Variants in RSF1 observed in about 807,000 individuals in gnomAD.
RSF1 encodes remodeling and spacing factor 1, also known as HBV pX-associated protein 8.
Under a neutral mutation model 145.2 loss-of-function variants are expected in RSF1, and 13 were observed. The ratio of observed to expected loss-of-function variants is 0.09; its 90% CI spans 0.06 to 0.14. The LOEUF (loss-of-function observed/expected upper bound fraction) is 0.14, where lower values mean the gene tolerates loss of function less well. Ranked by LOEUF, RSF1 falls within the 10% of genes least tolerant of loss-of-function variation. RSF1 has a pLI of 1.00. For missense variants in RSF1, 1,517 were observed against 1,718.2 expected (o/e 0.88, Z 2.07); for synonymous variants, 577 against 592.6 (o/e 0.97, Z 0.38).
At chr11:77,870,922 T>C in the RSF1 span, among the ~76,000 whole-genome samples, 11 of 152,338 alleles carry the variant, frequency 7.2e-5, no homozygotes, top group Non-Finnish European at 1.3e-4. Context: ...GTCATCCATA[T>C]AGAGGCCTAC....
chr11:77,801,284 CG>C (rs1451221766), intron 1 of RSF1, among the ~76,000 whole-genome samples: 1 of 151,980 alleles, frequency 6.6e-6, no homozygotes, highest in African/African-American at 2.4e-5. Flanking sequence ...CAAAAGTAGC[CG>C]GGTGTGGTGG....
the RSF1 span, among the ~76,000 whole-genome samples, chr11:77,857,357 A>C: frequency 6.6e-6 from 1 of 152,172 alleles, no homozygotes; most frequent in Non-Finnish European, 1.5e-5. Context: ...GGCAGGAAAA[A>C]CATATGTCTA....
chr11:77,752,751 A>G (rs571212995), intron 2 of RSF1, among the ~76,000 whole-genome samples: 25 of 152,304 alleles, frequency 1.6e-4, no homozygotes, highest in Admixed American at 1.2e-3. Context: ...GCTGAGTAAC[A>G]TAAGACTGAG....
chr11:77,673,680 A>C (rs1959616682), intron 14 of RSF1, among the ~76,000 whole-genome samples: 1 of 152,252 alleles, frequency 6.6e-6, no homozygotes, highest in African/African-American at 2.4e-5. Context: ...AGCAGGTGAA[A>C]TATAAGGAAA....
chr11:77,844,411 A>G, the RSF1 span, among the ~76,000 whole-genome samples: 1 of 151,608 alleles, frequency 6.6e-6, no homozygotes, highest in Non-Finnish European at 1.5e-5. Flanking sequence ...CGTCCAGGCT[A>G]GAGTGCAGTG....
chr11:77,712,447 C>T (rs773591421), intron 5 of RSF1, among the ~76,000 whole-genome samples: 27 of 152,150 alleles, frequency 1.8e-4, no homozygotes, highest in Non-Finnish European at 3.7e-4. Flanking sequence ...AGCATGAGAA[C>T]AGACTAATAC....
At chr11:77,709,986 TTAA>T (rs1363348779) in intron 5 of RSF1, among the ~76,000 whole-genome samples, 1 of 152,214 alleles carries the variant, frequency 6.6e-6, no homozygotes, top group Non-Finnish European at 1.5e-5. Flanking sequence ...CAAGAATTTT[TTAA>T]TGATTAAGTA....
chr11:77,779,611 A>T (rs2135955077), intron 1 of RSF1, among the ~76,000 whole-genome samples: 1 of 152,090 alleles, frequency 6.6e-6, no homozygotes, highest in East Asian at 1.9e-4. Flanking sequence ...CGAACTCTTG[A>T]CCTCAGGTGA....
chr11:77,785,785 G>C (rs1948448646), intron 1 of RSF1, among the ~76,000 whole-genome samples: 1 of 146,114 alleles, frequency 6.8e-6, no homozygotes, highest in Non-Finnish European at 1.5e-5. Flanking sequence ...AATTAGCCTG[G>C]CATGGCGGCG....
At chr11:77,681,217 G>C (rs1414855685) in intron 11 of RSF1, among the ~76,000 whole-genome samples, 1 of 152,154 alleles carries the variant, frequency 6.6e-6, no homozygotes, top group Non-Finnish European at 1.5e-5. Flanking sequence ...GATTAACACA[G>C]ATTATCCCTT....
At chr11:77,793,962 G>C (rs1284253619) in intron 1 of RSF1, among the ~76,000 whole-genome samples, 1 of 152,094 alleles carries the variant, frequency 6.6e-6, no homozygotes, top group Non-Finnish European at 1.5e-5. Context: ...CAATGATAAA[G>C]GGATGAATCC....
intron 1 of RSF1, among the ~76,000 whole-genome samples, chr11:77,811,306 T>C (rs922512735): frequency 2.6e-5 from 4 of 152,246 alleles, no homozygotes; most frequent in African/African-American, 9.6e-5. Flanking sequence ...AGGAAAACTA[T>C]TAATTCCACA....
chr11:77,843,755 T>G, the RSF1 span, among the ~76,000 whole-genome samples: 1 of 152,144 alleles, frequency 6.6e-6, no homozygotes, highest in African/African-American at 2.4e-5. Context: ...TCATTTTCAT[T>G]AGTTCATTTT....
intron 1 of RSF1, among the ~76,000 whole-genome samples, chr11:77,767,484 C>T (rs1948237614): frequency 6.6e-6 from 1 of 152,186 alleles, no homozygotes. Flanking sequence ...AGAGTCCCAA[C>T]ATTCAGTCTC....
intron 1 of RSF1, among the ~76,000 whole-genome samples, chr11:77,795,158 C>A (rs1261408739): frequency 6.6e-6 from 1 of 152,074 alleles, no homozygotes; most frequent in African/African-American, 2.4e-5. Context: ...AAGATCTCTA[C>A]AAGCAAAACT....
chr11:77,680,680 T>C (rs555451911), intron 11 of RSF1, among the ~76,000 whole-genome samples: 4 of 152,358 alleles, frequency 2.6e-5, no homozygotes, highest in African/African-American at 9.6e-5. Flanking sequence ...ATGTAATTTT[T>C]ACTGGCTGCA....
the RSF1 span, chr11:77,869,884 C>A: frequency 6.8e-7 from 1 of 1,469,774 alleles, no homozygotes; most frequent in Non-Finnish European, 9.5e-7. Context: ...GTCTTACAGA[C>A]TTGTCCTTCT....
chr11:77,858,775 T>C, the RSF1 span, among the ~76,000 whole-genome samples: 2 of 152,220 alleles, frequency 1.3e-5, no homozygotes, highest in African/African-American at 4.8e-5. Flanking sequence ...CATCAGAGCA[T>C]GGGCTAGCAG....
At chr11:77,789,618 A>G (rs1230111279) in intron 1 of RSF1, among the ~76,000 whole-genome samples, 3 of 152,188 alleles carry the variant, frequency 2.0e-5, no homozygotes, top group Non-Finnish European at 2.9e-5. Flanking sequence ...CTAAGCTACT[A>G]CCATAGAAGG....
Sources: allele counts gnomAD v4.1 joint callset (sites outside exome capture counted in the v4.1 genomes callset), GRCh38; gene constraint gnomAD v4.1.1; transcripts MANE v1.5; gene names NCBI Gene and HGNC (gene_info 2026-07-23, HGNC 2026-07-21).